The following RELL1 variants were observed in gnomAD, a reference collection of about 807,000 sequenced individuals.
The protein encoded by RELL1 is RELT like 1, also known as RELT-like protein 1.
RELL1 carries 10 observed loss-of-function variants against 23.0 expected under a neutral mutation model. The observed-to-expected ratio is 0.43, with a 90% CI of 0.27 to 0.74. RELL1 has a LOEUF of 0.74. Among genes scored for constraint, RELL1 ranks in the 30% least tolerant of loss-of-function variants. The pLI is 0.19. For missense variants in RELL1, 315 were observed against 364.4 expected (o/e 0.86, Z 1.10); for synonymous variants, 146 against 146.8 (o/e 0.99, Z 0.04).
At position 37,612,261 on chromosome 4, in the gene RELL1, T is replaced by TGA. The variant is rs1240562881; in HGVS notation, c.*1083_*1084dup. 1.4e-5 allele frequency among the ~76,000 whole-genome samples: 2 copies of TGA among 145,682 alleles called. No individual in the cohort carries two copies. Among genetic ancestry groups the TGA allele is most frequent in the East Asian group, 4.0e-4 (2 of 4,988 alleles). On this transcript the variant is annotated 3_prime_UTR_variant, in exon 7 of 7. Coordinates refer to ENST00000454158, the MANE Select transcript of RELL1 (RefSeq NM_001085400.2). ...TTGTCCAAACAAATTTGTGTGTGTG[T>TGA]GACTTTCAACCATTTTCTCCTTTAT...
chr4:37,671,390 T>A (rs1000612166), intron 1 of RELL1, among the ~76,000 whole-genome samples: 1 of 152,142 alleles, frequency 6.6e-6, no homozygotes, highest in Admixed American at 6.6e-5. Context: ...AAGATACAAG[T>A]CACAAAGACC....
chr4:37,604,786 G>GACACACACAGAGAC (rs1719111026), intron 6 of RELL1, among the ~76,000 whole-genome samples: 3 of 52,694 alleles, frequency 5.7e-5, no homozygotes, highest in Non-Finnish European at 1.3e-4. Context: ...GACACACACA[G>GACACACACAGAGAC]ACACACACAC....
At chr4:37,587,081 C>T (rs922271717), downstream of RELL1, among the ~76,000 whole-genome samples, 1 of 152,134 alleles carries the variant, frequency 6.6e-6, no homozygotes, top group Admixed American at 6.5e-5. Flanking sequence ...TCTGTTCCTT[C>T]CCTCTTCCAG....
At chr4:37,603,608 C>A (rs765949653) in intron 6 of RELL1, among the ~76,000 whole-genome samples, 1 of 152,216 alleles carries the variant, frequency 6.6e-6, no homozygotes, top group Non-Finnish European at 1.5e-5. Flanking sequence ...GGTTCCCCGC[C>A]TTTTGGGGTG....
Position 37,686,183 on chromosome 4 carries a change from T to A in RELL1, c.88+17A>T, listed in dbSNP as rs1310388713. ...CGGGCTCAGCACCCGGCGCCCCGGC[T>A]ACGACCGGACACTCACCCGGAGCCA... On this transcript the variant is annotated intron_variant, in intron 1 of 6. Coordinates refer to ENST00000454158, the MANE Select transcript of RELL1 (RefSeq NM_001085400.2). The A allele has an allele frequency of 1.3e-6, 2 of 1,568,970 alleles. No individual in the cohort carries two copies. The highest frequency in any genetic ancestry group is 2.3e-5 in the South Asian group (2 of 87,614).
At chr4:37,673,826 C>G (rs1175533512) in intron 1 of RELL1, among the ~76,000 whole-genome samples, 1 of 152,198 alleles carries the variant, frequency 6.6e-6, no homozygotes, top group Non-Finnish European at 1.5e-5. Context: ...TCCTCCGCAA[C>G]TACACAGTAA....
intron 1 of RELL1, among the ~76,000 whole-genome samples, chr4:37,677,524 C>T (rs1722058874): frequency 1.3e-5 from 2 of 152,332 alleles, no homozygotes; most frequent in South Asian, 4.1e-4. Flanking sequence ...ATCAAATCTA[C>T]ATCAAATACT....
At chr4:37,631,039 C>G (rs560715517) in intron 6 of RELL1, among the ~76,000 whole-genome samples, 4 of 152,210 alleles carry the variant, frequency 2.6e-5, no homozygotes, top group African/African-American at 9.6e-5. Flanking sequence ...TGCAGCAACA[C>G]TAGGTGCTTT....
chr4:37,605,907 GAGGA>G (rs1213460781), downstream of RELL1, among the ~76,000 whole-genome samples: 13 of 88,704 alleles, frequency 1.5e-4, no homozygotes, highest in South Asian at 3.8e-4. Context: ...AAGGAAGAAA[GAGGA>G]AGGAAGGGAG....
chr4:37,683,213 A>G (rs1007339399), intron 1 of RELL1, among the ~76,000 whole-genome samples: 9 of 152,040 alleles, frequency 5.9e-5, no homozygotes, highest in African/African-American at 1.9e-4. Flanking sequence ...CTCATATTCT[A>G]TTTTTCCTCT....
intron 6 of RELL1, among the ~76,000 whole-genome samples, chr4:37,601,192 G>GC (rs1719006669): frequency 6.6e-6 from 1 of 152,202 alleles, no homozygotes; most frequent in African/African-American, 2.4e-5. Flanking sequence ...ACCTGGTTCC[G>GC]CCCCCAGCCC....
intron 1 of RELL1, among the ~76,000 whole-genome samples, chr4:37,683,793 A>AAC (rs1403280704): frequency 7.0e-6 from 1 of 141,922 alleles, no homozygotes; most frequent in Non-Finnish European, 1.5e-5. Context: ...TAAACAAATA[A>AAC]AAATGCGGCC....
rs1286495769 is a variant in RELL1, at chr4:37,603,812, G to GT, written c.*4-12596dup. Among the ~76,000 whole-genome samples the GT allele has an allele frequency of 2.0e-4, 30 of 151,386 alleles. 2 individuals carry two copies. The highest frequency in any genetic ancestry group is 7.3e-4 in the African/African-American group (30 of 41,102). ...CAGGCAGTGCTGGTTGCTTTTTTTT[G>GT]TTGTTGTTGTTTGTTTGTTTGTTTG... On this transcript the variant is annotated intron_variant, in intron 6 of 6. Coordinates refer to the RELL1 transcript ENST00000314117.
chr4:37,618,403 A>T (rs1278526655), intron 6 of RELL1, among the ~76,000 whole-genome samples: 2 of 150,454 alleles, frequency 1.3e-5, no homozygotes, highest in East Asian at 1.9e-4. Flanking sequence ...ATTTTTTTTT[A>T]TTTATTTATT....
At chr4:37,590,386 G>A (rs544212016), downstream of RELL1, 35 of 1,613,850 alleles carry the variant, frequency 2.2e-5, no homozygotes, top group Admixed American at 2.5e-4. Context: ...ACAGCCCACT[G>A]GGAATTCCAG....
At chr4:37,593,674 A>G (rs1718724536) in intron 6 of RELL1, among the ~76,000 whole-genome samples, 1 of 152,250 alleles carries the variant, frequency 6.6e-6, no homozygotes, top group Non-Finnish European at 1.5e-5. Flanking sequence ...GAATGCAGTT[A>G]CTAAGAAGGG....
chr4:37,651,355 C>G (rs556986555), intron 1 of RELL1, among the ~76,000 whole-genome samples: 1 of 152,134 alleles, frequency 6.6e-6, no homozygotes, highest in East Asian at 1.9e-4. Context: ...TAGATGAGGA[C>G]CAAAGAAAAC....
In RELL1 at chr4:37,686,343, C is replaced by G. The variant is rs372166823; in HGVS notation, c.-56G>C. 1,264 of 1,345,226 alleles carry G rather than the reference C, an allele frequency of 9.4e-4. 16 individuals carry two copies. In the African/African-American group the frequency reaches 0.017, roughly 18 times the overall value. 83.3% of individuals were successfully genotyped at this position (1,345,226 alleles called of 1,614,324 possible). A position where few individuals can be genotyped will look rare whatever the true frequency, so the allele number is the denominator to read the frequency against. ...GCGCCGCGTCCCGCGCTCGGGAAGG[C>G]AGAGCCGCTCCGGAGCCGGCGGGCT... On this transcript the variant is annotated 5_prime_UTR_variant, in exon 1 of 7. Coordinates refer to ENST00000454158, the MANE Select transcript of RELL1 (RefSeq NM_001085400.2).
At chr4:37,637,937 TAAC>T (rs1720390620) in intron 4 of RELL1, among the ~76,000 whole-genome samples, 1 of 152,212 alleles carries the variant, frequency 6.6e-6, no homozygotes, top group African/African-American at 2.4e-5. Context: ...GTATTCCTTA[TAAC>T]AACCCTATAA....
Sources: gnomAD v4.1 joint callset for allele counts (sites outside exome capture counted in the v4.1 genomes callset) on GRCh38, gnomAD v4.1.1 for gene constraint, MANE v1.5 for transcripts, NCBI Gene and HGNC (gene_info 2026-07-23, HGNC 2026-07-21) for gene names.